The following MPC2 variants were observed in gnomAD, a reference collection of about 807,000 sequenced individuals.
MPC2 encodes the protein mitochondrial pyruvate carrier 2.
A neutral mutation model predicts 19.2 loss-of-function variants in MPC2; 19 were observed. That is an observed-to-expected ratio of 0.99 (90% CI 0.69 to 1.45). The LOEUF (loss-of-function observed/expected upper bound fraction) is 1.45. Ranked by LOEUF, MPC2 falls within the 40% of genes most tolerant of loss-of-function variation. MPC2 has a pLI of 0.00. For missense variants in MPC2, 122 were observed against 153.0 expected, an observed-to-expected ratio of 0.80 and a Z score of 1.07; for synonymous variants, 61 against 54.3, an observed-to-expected ratio of 1.12 and a Z score of -0.54.
At chr1:167,923,694 C>T (rs1427021648) in intron 3 of MPC2, among the ~76,000 whole-genome samples, 1 of 150,698 alleles carries the variant, frequency 6.6e-6, no homozygotes, top group Non-Finnish European at 1.5e-5. Context: ...ATGTATTTTA[C>T]CACATTAAAA....
intron 2 of MPC2, among the ~76,000 whole-genome samples, chr1:167,926,967 A>G (rs1368869807): frequency 4.6e-5 from 7 of 152,200 alleles, no homozygotes; most frequent in African/African-American, 1.2e-4. Flanking sequence ...CAGCCTGTAT[A>G]TTCTTCTATC....
At chr1:167,931,072 C>T (rs1335290375) in intron 2 of MPC2, among the ~76,000 whole-genome samples, 1 of 152,204 alleles carries the variant, frequency 6.6e-6, no homozygotes, top group African/African-American at 2.4e-5. Context: ...GCTGGGATTA[C>T]AGGTGTGCAC....
At chr1:167,933,436 G>A (rs1670970639) in intron 2 of MPC2, among the ~76,000 whole-genome samples, 1 of 152,016 alleles carries the variant, frequency 6.6e-6, no homozygotes, top group African/African-American at 2.4e-5. Context: ...CAAAGTGCTG[G>A]GATTACAGGT....
rs115525887 is a variant in MPC2, at chr1:167,932,175, C to T, written c.109+3558G>A. On this transcript the variant is annotated intron_variant, in intron 2 of 5. Transcript: ENST00000271373. ...ACTTCACCAAAGGATAGTTTTTAGA[C>T]TCTTTAGAGCTGTGGTCTTCCAGCT... 6.5e-3 allele frequency among the ~76,000 whole-genome samples: 993 copies of T among 152,274 alleles called. 9 individuals carry two copies. Among genetic ancestry groups the T allele is most frequent in the African/African-American group, 0.022 (930 of 41,562 alleles).
chr1:167,926,648 C>T (rs561177840), intron 2 of MPC2, among the ~76,000 whole-genome samples: 1 of 152,278 alleles, frequency 6.6e-6, no homozygotes, highest in Admixed American at 6.5e-5. Flanking sequence ...CTGCTGCTGC[C>T]GTCTAGTGGG....
rs191823550 is a variant in MPC2 at position 167,927,913 on chromosome 1, T to C, written c.110-3376A>G. ...TCTAATTTTAGTTTAACAACTGCTA[T>C]GTACTAAACAGAAAAATAGCAGTAG... On this transcript the variant is annotated intron_variant, in intron 2 of 5. Coordinates refer to ENST00000271373, the MANE Select transcript of MPC2 (RefSeq NM_001143674.4). Among the ~76,000 whole-genome samples, 73 of 152,330 alleles carry C rather than the reference T, an allele frequency of 4.8e-4. No homozygotes were observed. The East Asian group carries it at 0.013, about 27-fold the overall frequency.
At chr1:167,918,573 T>TA (rs536021126) in intron 5 of MPC2, among the ~76,000 whole-genome samples, 3 of 147,786 alleles carry the variant, frequency 2.0e-5, no homozygotes, top group Admixed American at 6.8e-5. Flanking sequence ...TTTCAGATAA[T>TA]AAGAGCACAA....
chr1:167,925,434 CATATACACATATATATATATATATAT>C (rs1670710418), intron 2 of MPC2, among the ~76,000 whole-genome samples: 1 of 72,746 alleles, frequency 1.4e-5, no homozygotes, highest in African/African-American at 5.4e-5. Flanking sequence ...TACAGATATA[CATATACACATATATATATATATATAT>C]ATATATATAT....
At chr1:167,934,836 C>T (rs1209153464) in intron 2 of MPC2, among the ~76,000 whole-genome samples, 1 of 152,072 alleles carries the variant, frequency 6.6e-6, no homozygotes, top group Non-Finnish European at 1.5e-5. Flanking sequence ...CTGATGTTAG[C>T]CCCTAGCAAA....
intron 2 of MPC2, among the ~76,000 whole-genome samples, chr1:167,934,786 T>C (rs1261860010): frequency 2.6e-5 from 4 of 152,218 alleles, no homozygotes; most frequent in African/African-American, 9.6e-5. Flanking sequence ...CATTTTCTAG[T>C]TTGCCAAGTC....
chr1:167,925,442 C>CAT (rs369657697), intron 2 of MPC2, among the ~76,000 whole-genome samples: 6,772 of 82,182 alleles, frequency 0.082, 311 homozygotes, highest in Non-Finnish European at 0.099. Context: ...TACATATACA[C>CAT]ATATATATAT....
intron 3 of MPC2, among the ~76,000 whole-genome samples, chr1:167,921,220 T>C (rs1039932230): frequency 1.3e-5 from 2 of 152,024 alleles, no homozygotes; most frequent in Non-Finnish European, 2.9e-5. Context: ...TTTAGTTTTT[T>C]GGTTAGATCA....
chr1:167,920,709 C>T lies in MPC2; in HGVS notation c.151-78G>A, dbSNP rs530071704. 1.4e-5 allele frequency: 20 copies of T among 1,395,988 alleles called. No individual in the cohort carries two copies. The African/African-American group carries it at 2.9e-4, about 21-fold the overall frequency. 86.5% of individuals were successfully genotyped at this position (1,395,988 alleles called of 1,614,324 possible). A position where few individuals can be genotyped will look rare whatever the true frequency, so the allele number is the denominator to read the frequency against. On this transcript the variant is annotated intron_variant, in intron 3 of 5. Transcript: ENST00000271373. ...TTTTAACTTTAAATCAAGCACAAGA[C>T]ATTTTTGAGATTTCCGTAAGTTAGC... is the stretch of plus-strand genomic sequence containing the variant.
chr1:167,919,548 T>C (rs1381344232), intron 5 of MPC2, among the ~76,000 whole-genome samples: 1 of 152,234 alleles, frequency 6.6e-6, no homozygotes, highest in Non-Finnish European at 1.5e-5. Flanking sequence ...ACGTATCATT[T>C]CCAATACTAC....
Position 167,936,649 on chromosome 1 carries a change from G to C in MPC2, c.-58+290C>G, listed in dbSNP as rs1160130922. On this transcript the variant is annotated intron_variant, in intron 1 of 5. Coordinates refer to ENST00000271373, the MANE Select transcript of MPC2 (RefSeq NM_001143674.4). ...TCCGCCTCCGCCTCCTCCTGTTGGA[G>C]GGGGGCTGAGGGAGGAGACTGTTGC... The C allele has an allele frequency of 9.9e-6, 4 of 402,996 alleles. No individual in the cohort carries two copies. The Admixed American group carries it at 1.4e-4, about 14-fold the overall frequency. The allele number at this position is 402,996 out of a possible 1,614,324, so 25.0% of individuals were successfully genotyped here. A position where few individuals can be genotyped will look rare whatever the true frequency, so the allele number is the denominator to read the frequency against.
At chr1:167,925,478 T>TATATATATATATAC (rs1298972592) in intron 2 of MPC2, among the ~76,000 whole-genome samples, 16 of 122,588 alleles carry the variant, frequency 1.3e-4, no homozygotes, top group Admixed American at 2.5e-4. Context: ...TATATATACA[T>TATATATATATATAC]ATACATATAC....
At chr1:167,919,908 A>AG in intron 5 of MPC2, 71 bp downstream of exon 5, 1 of 277,404 alleles carries the variant, frequency 3.6e-6, no homozygotes. Flanking sequence ...ACCCCGTCTC[A>AG]AAAAAAAAAA....
At chr1:167,918,727 G>A (rs898979095) in intron 5 of MPC2, among the ~76,000 whole-genome samples, 1 of 151,594 alleles carries the variant, frequency 6.6e-6, no homozygotes, top group African/African-American at 2.4e-5. Context: ...CCGAGTAGCT[G>A]GGACTACAGG....
intron 2 of MPC2, among the ~76,000 whole-genome samples, chr1:167,935,121 G>A (rs1469172228): frequency 6.6e-6 from 1 of 152,082 alleles, no homozygotes. Context: ...ATGATATCCA[G>A]GTCTGTCCAC....
Sources: gnomAD v4.1 joint callset for allele counts (sites outside exome capture counted in the v4.1 genomes callset) on GRCh38, gnomAD v4.1.1 for gene constraint, MANE v1.5 for transcripts, NCBI Gene and HGNC (gene_info 2026-07-23, HGNC 2026-07-21) for gene names.